NHS: variants seen among roughly 807,000 people sequenced by gnomAD.
The protein encoded by NHS is NHS actin remodeling regulator.
NHS carries 5 observed loss-of-function variants against 72.5 expected under a neutral mutation model. That is an observed-to-expected ratio of 0.07 (90% CI 0.04 to 0.14). The LOEUF (loss-of-function observed/expected upper bound fraction) is 0.14, where lower values mean the gene tolerates loss of function less well. Among genes scored for constraint, NHS ranks in the 10% least tolerant of loss-of-function variants. The pLI is 1.00. For synonymous variants in NHS, 464 were observed against 547.7 expected (o/e 0.85, Z 2.13); for missense variants, 1,072 against 1,355.7 (o/e 0.79, Z 3.29).
rs767395849 is a variant in NHS at position 17,692,347 on chromosome X, G to A, written c.731G>A (p.Arg244Gln). The A allele has an allele frequency of 1.2e-5, 14 of 1,207,805 alleles. No homozygotes were observed. Among genetic ancestry groups the A allele is most frequent in the African/African-American group, 5.3e-5 (3 of 56,477 alleles). Residue 244 changes from arginine (R) to glutamine (Q), a missense_variant, in exon 3 of 9, where the codon CGG (arginine) becomes CAG (glutamine). Physicochemically the swap from Arg to Gln is conservative, Grantham distance 43. Transcript: ENST00000676302. ...TTCTCCTTCTCAGAACACCGGAGCC[G>A]GAGCGATCGCCGAGAGCAAAGAGCA... ...LQALRREHRS[R>Q]SDRREQRAAA... is the part of the protein sequence containing the mutation.
intron 1 of NHS, among the ~76,000 whole-genome samples, chrX:17,660,291 C>T (rs1022652659): frequency 8.9e-6 from 1 of 112,159 alleles, no homozygotes; most frequent in Non-Finnish European, 1.9e-5. Context: ...GAAAAGCAGC[C>T]GTGGTCAACC....
rs1171531010 is a variant in NHS, at chrX:17,725,512, G to T, written c.1406G>T (p.Gly469Val). The change falls in exon 7 of 9, where the codon GGT becomes GTT. Residue 469 changes from glycine (G) to valine (V), a missense_variant. Physicochemically the swap from Gly to Val is moderately radical, Grantham distance 109. Transcript: ENST00000676302. ...AGAAGGAGAATCAGAGCTCAAAGGG[G>T]TCAAAGCATTGCAGCTTCCCTTTCT... ...PSRRRIRAQR[G>V]QSIAASLSHS... The T allele has an allele frequency of 4.1e-6, 5 of 1,209,617 alleles. No individual in the cohort carries two copies. Among genetic ancestry groups the T allele is most frequent in the Non-Finnish European group, 5.6e-6 (5 of 895,204 alleles).
chrX:17,549,497 G>A (rs2065317981), intron 1 of NHS, among the ~76,000 whole-genome samples: 1 of 111,480 alleles, frequency 9.0e-6, no homozygotes, highest in South Asian at 3.8e-4. Flanking sequence ...TCCTGTTTCT[G>A]TTTAGAGGTT....
chrX:17,421,249 G>A (rs375336687), intron 1 of NHS, among the ~76,000 whole-genome samples: 14 of 96,838 alleles, frequency 1.4e-4, no homozygotes, highest in East Asian at 3.4e-4. Flanking sequence ...GTGTGTGCGC[G>A]CACACACACA....
intron 1 of NHS, among the ~76,000 whole-genome samples, chrX:17,452,063 A>G (rs1354736438): frequency 8.9e-6 from 1 of 111,868 alleles, no homozygotes; most frequent in Non-Finnish European, 1.9e-5. Context: ...ATGGGAATCC[A>G]TAGGAGACCA....
At chrX:17,394,677 G>C (rs760729853) in intron 1 of NHS, among the ~76,000 whole-genome samples, 32 of 111,370 alleles carry the variant, frequency 2.9e-4, no homozygotes, top group Non-Finnish European at 4.9e-4. Flanking sequence ...TTTTCTGTAG[G>C]TGACAGCTAA....
intron 3 of NHS, among the ~76,000 whole-genome samples, chrX:17,708,585 G>A (rs186577976): frequency 6.7e-4 from 75 of 111,958 alleles, no homozygotes; most frequent in African/African-American, 2.4e-3. Flanking sequence ...TTGAAGGTGT[G>A]AATACCTAAC....
chrX:17,609,563 A>G (rs1374862708), intron 1 of NHS, among the ~76,000 whole-genome samples: 1 of 112,104 alleles, frequency 8.9e-6, no homozygotes, highest in Non-Finnish European at 1.9e-5. Context: ...ACCATGGCAG[A>G]AATTGACTTA....
chrX:17,521,537 G>A (rs1356456510), intron 1 of NHS, among the ~76,000 whole-genome samples: 4 of 109,916 alleles, frequency 3.6e-5, no homozygotes, highest in South Asian at 3.9e-4. Context: ...TAATTTTTTT[G>A]TCTTTAGTAG....
chrX:17,623,997 C>T (rs769888063), intron 1 of NHS, among the ~76,000 whole-genome samples: 2 of 113,030 alleles, frequency 1.8e-5, no homozygotes, highest in East Asian at 2.8e-4. Flanking sequence ...CAACTGCCTA[C>T]GCAGCCAGGC....
At chrX:17,723,800 G>C (rs1446187268) in intron 5 of NHS, among the ~76,000 whole-genome samples, 2 of 98,205 alleles carry the variant, frequency 2.0e-5, no homozygotes, top group African/African-American at 7.8e-5. Context: ...GGGAATGCAA[G>C]AAGGTTTGGA....
At position 17,734,712 on chromosome X, in the gene NHS, G is replaced by A. The variant is rs1413507767; in HGVS notation, c.*2248G>A. 8.9e-6 allele frequency: 1 copy of A among 112,656 alleles called. No homozygotes were observed. The highest frequency in any genetic ancestry group is 3.2e-5 in the African/African-American group (1 of 30,866). 9.3% of individuals were successfully genotyped at this position (112,656 alleles called of 1,213,427 possible). On this transcript the variant is annotated 3_prime_UTR_variant, in exon 9 of 9. Coordinates refer to ENST00000676302, the MANE Select transcript of NHS (RefSeq NM_001291867.2). ...ACCAGCATGGTTTGACACCACATGG[G>A]AACATGAATAAATCTGTCTCATGAT...
intron 1 of NHS, among the ~76,000 whole-genome samples, chrX:17,588,653 T>G (rs1450891872): frequency 1.8e-5 from 2 of 110,653 alleles, no homozygotes; most frequent in African/African-American, 6.6e-5. Context: ...GCAAGTCATT[T>G]AACTCATCAG....
At chrX:17,538,188 C>T (rs865812996) in intron 1 of NHS, among the ~76,000 whole-genome samples, 1 of 112,133 alleles carries the variant, frequency 8.9e-6, no homozygotes, top group Non-Finnish European at 1.9e-5. Context: ...TGGCAAGGTT[C>T]CTGGACTCAT....
chrX:17,641,462 A>G (rs1364540203), intron 1 of NHS, among the ~76,000 whole-genome samples: 2 of 112,077 alleles, frequency 1.8e-5, no homozygotes, highest in African/African-American at 6.5e-5. Flanking sequence ...AGCCCTCTGT[A>G]GGACAACGAC....
intron 1 of NHS, among the ~76,000 whole-genome samples, chrX:17,499,385 A>G (rs1232162236): frequency 1.8e-5 from 2 of 111,587 alleles, no homozygotes; most frequent in Non-Finnish European, 3.8e-5. Flanking sequence ...AATTCTATCC[A>G]CTTTCCCCTA....
intron 1 of NHS, among the ~76,000 whole-genome samples, chrX:17,558,656 C>T (rs1295964827): frequency 3.6e-5 from 4 of 112,276 alleles, no homozygotes. Context: ...TATCTCAAAG[C>T]TTCCTGGAGG....
At chrX:17,495,932 G>A (rs1443288213) in intron 1 of NHS, among the ~76,000 whole-genome samples, 1 of 111,592 alleles carries the variant, frequency 9.0e-6, no homozygotes, top group African/African-American at 3.3e-5. Context: ...CATAGGGAAG[G>A]GGCCAAGCTA....
At chrX:17,383,514 G>T (rs757958021) in intron 1 of NHS, among the ~76,000 whole-genome samples, 1 of 112,164 alleles carries the variant, frequency 8.9e-6, no homozygotes, top group Non-Finnish European at 1.9e-5. Flanking sequence ...GGCCAGGAAG[G>T]CCTAAGGAAA....
Sources: allele counts gnomAD v4.1 joint callset (sites outside exome capture counted in the v4.1 genomes callset), GRCh38; gene constraint gnomAD v4.1.1; transcripts MANE v1.5; gene names NCBI Gene and HGNC (gene_info 2026-07-23, HGNC 2026-07-21).